Variants in EEF2KMT observed in about 807,000 individuals in gnomAD.
EEF2KMT encodes the protein eukaryotic elongation factor 2 lysine methyltransferase, also known as protein-lysine N-methyltransferase EEF2KMT.
A neutral mutation model predicts 35.1 loss-of-function variants in EEF2KMT; 30 were observed. That is an observed-to-expected ratio of 0.85 (90% CI 0.64 to 1.16). The LOEUF is 1.16. Among genes scored for constraint, EEF2KMT ranks in the 50% most tolerant of loss-of-function variants. EEF2KMT has a pLI of 0.00. For missense variants in EEF2KMT, 499 were observed against 438.2 expected (o/e 1.14, Z -1.24); for synonymous variants, 190 against 187.7 (o/e 1.01, Z -0.10).
intron 7 of EEF2KMT, among the ~76,000 whole-genome samples, chr16:5,087,541 G>A (rs149057069): frequency 3.2e-4 from 49 of 152,248 alleles, no homozygotes; most frequent in Non-Finnish European, 5.1e-4. Context: ...GCTCACGCCC[G>A]TATTCCTAAC....
chr16:5,085,113 GC>G lies in EEF2KMT; in HGVS notation c.*518del, dbSNP rs1460740194. ...CTTCCTCTCTTCTTCTGTTCTTCAC[GC>G]CCCATGCCCCTGCTAGCGTATTACT... On this transcript the variant is annotated 3_prime_UTR_variant, in exon 8 of 8. Transcript: ENST00000427587. 2 of 707,350 alleles carry G rather than the reference GC, an allele frequency of 2.8e-6. No individual in the cohort carries two copies. Among genetic ancestry groups the G allele is most frequent in the Non-Finnish European group, 2.3e-6 (1 of 431,634 alleles). 43.8% of individuals were successfully genotyped at this position (707,350 alleles called of 1,614,324 possible).
At chr16:5,088,485 G>A (rs1957262929) in intron 7 of EEF2KMT, among the ~76,000 whole-genome samples, 1 of 152,166 alleles carries the variant, frequency 6.6e-6, no homozygotes. Flanking sequence ...GGTGTAGTGT[G>A]GAGGCGTGAG....
At chr16:5,089,054 C>T in intron 7 of EEF2KMT, 53 bp downstream of exon 7, 1 of 1,609,636 alleles carries the variant, frequency 6.2e-7, no homozygotes, top group Non-Finnish European at 8.5e-7. Context: ...CCACTGGCGT[C>T]CTGCAGGGAC....
chr16:5,091,463 C>T (rs1024928708), intron 4 of EEF2KMT, among the ~76,000 whole-genome samples: 2 of 152,184 alleles, frequency 1.3e-5, no homozygotes, highest in African/African-American at 4.8e-5. Flanking sequence ...GATGCAACCA[C>T]TTCGGCCTCC....
intron 1 of EEF2KMT, chr16:5,097,394 A>C (rs1403689999): frequency 6.8e-7 from 1 of 1,470,922 alleles, no homozygotes; most frequent in Non-Finnish European, 9.0e-7. Context: ...TGTACCCCAC[A>C]CCGAGCGCGC....
At chr16:5,089,800 C>T (rs1414756329) in intron 6 of EEF2KMT, among the ~76,000 whole-genome samples, 1 of 152,214 alleles carries the variant, frequency 6.6e-6, no homozygotes, top group South Asian at 2.1e-4. Flanking sequence ...GGTTGTTTTC[C>T]TCCTGTGGTC....
Position 5,090,469 on chromosome 16 carries a change from C to T in EEF2KMT, c.439G>A (p.Glu147Lys), listed in dbSNP as rs773268129. 5.6e-6 allele frequency: 9 copies of T among 1,612,034 alleles called. No homozygotes were observed. Among genetic ancestry groups the T allele is most frequent in the Non-Finnish European group, 6.8e-6 (8 of 1,179,864 alleles). Residue 147 changes from glutamate to lysine, a missense_variant, in exon 5 of 8, where the codon GAA becomes AAA. Physicochemically the swap from Glu to Lys is moderately conservative, Grantham distance 56. Coordinates refer to ENST00000427587, the MANE Select transcript of EEF2KMT (RefSeq NM_201400.4). This position sits in a 1 kb window ranked among gnomAD's most constrained non-coding sequence, Gnocchi z 4.1. ...ACTGCCGGGTTCTCGATGGCCCATT[C>T]TGCAAGGTAGAGGGCGGCGTCCCAT... ...VTWDAALYLAEWAIENPAVFT... is the reference protein window; with the variant it reads ...VTWDAALYLAKWAIENPAVFT...
At chr16:5,095,288 CTG>C (rs1353083004) in intron 2 of EEF2KMT, 162 bp downstream of exon 2, 1 of 949,142 alleles carries the variant, frequency 1.1e-6, no homozygotes, top group East Asian at 2.6e-5. Flanking sequence ...AGCGCTGGAG[CTG>C]TCAGAGGTGC....
chr16:5,091,224 G>A (rs540753181), intron 4 of EEF2KMT, among the ~76,000 whole-genome samples: 1 of 152,290 alleles, frequency 6.6e-6, no homozygotes, highest in African/African-American at 2.4e-5. Flanking sequence ...TGGGATTACA[G>A]GTGCCCACTA....
At position 5,091,911 on chromosome 16, in the gene EEF2KMT, G is replaced by C. The variant is rs761498342; in HGVS notation, c.241-16C>G. On this transcript the variant is annotated splice_polypyrimidine_tract_variant and intron_variant, in intron 3 of 7. Coordinates refer to ENST00000427587, the MANE Select transcript of EEF2KMT (RefSeq NM_201400.4). ...CAGCCTCGTGCTGGGGGCAGACAGA[G>C]TGAGAGCTTGTTTGCTTTCGTTCTA... is the stretch of plus-strand genomic sequence containing the variant. The C allele has an allele frequency of 6.2e-6, 10 of 1,611,358 alleles. No homozygotes were observed. The African/African-American group carries it at 6.7e-5, about 11-fold the overall frequency.
intron 7 of EEF2KMT, 141 bp from the exon 8 acceptor site, chr16:5,085,873 AC>A (rs1193984157): frequency 1.4e-6 from 1 of 713,550 alleles, no homozygotes; most frequent in Non-Finnish European, 2.6e-6. Context: ...TCCCAGGCCC[AC>A]CCAGGTGCCT....
In EEF2KMT at chr16:5,091,903, C is replaced by T. The variant is rs1278371623; in HGVS notation, c.241-8G>A. Reference sequence around the variant, plus strand: ...TGTGTGGACAGCCTCGTGCTGGGGGCAGACAGAGTGAGAGCTTGTTTGCTT... The same window carrying T: ...TGTGTGGACAGCCTCGTGCTGGGGGTAGACAGAGTGAGAGCTTGTTTGCTT... On this transcript the variant is annotated splice_region_variant and splice_polypyrimidine_tract_variant and intron_variant, in intron 3 of 7. Coordinates refer to ENST00000427587, the MANE Select transcript of EEF2KMT (RefSeq NM_201400.4). 1 of 1,611,592 alleles carries T rather than the reference C, an allele frequency of 6.2e-7. No homozygotes were observed. The highest frequency in any genetic ancestry group is 2.2e-5 in the East Asian group (1 of 44,872).
chr16:5,087,921 TC>T (rs1957240900), intron 7 of EEF2KMT, among the ~76,000 whole-genome samples: 1 of 32,998 alleles, frequency 3.0e-5, no homozygotes. Flanking sequence ...AAGAAAGACT[TC>T]CTTTTTTTTT....
At chr16:5,096,339 G>C (rs62038083) in intron 1 of EEF2KMT, among the ~76,000 whole-genome samples, 12,113 of 152,208 alleles carry the variant, frequency 0.08, 704 homozygotes, top group Middle Eastern at 0.13. Context: ...GTCTTTTCTT[G>C]TTTATTTATT....
chr16:5,089,555 C>A, intron 6 of EEF2KMT: 1 of 498,182 alleles, frequency 2.0e-6, no homozygotes, highest in African/African-American at 1.9e-5. Context: ...CAAAGCCTGA[C>A]CCTGCCATGA....
In EEF2KMT at chr16:5,090,229, C is replaced by G. The variant is rs539354038; in HGVS notation, c.597G>C (p.Gly199=). Residue 199 remains glycine (G), a synonymous_variant, in exon 6 of 8, where the codon GGG becomes GGC. Coordinates refer to ENST00000427587, the MANE Select transcript of EEF2KMT (RefSeq NM_201400.4). The surrounding 1 kb of genome is among the most constrained non-coding windows in gnomAD (Gnocchi z 4.1). The part of the protein sequence containing the change: ...CHSRVLEQLR[G]NVLLNGLSLE... ...ATGAGAGGCCATTGAGAAGGACATT[C>G]CCTCGGAGCTGCTCAAGGACCCGGC... The G allele has an allele frequency of 1.9e-6, 3 of 1,612,038 alleles. No homozygotes were observed. In the East Asian group the frequency reaches 6.7e-5, roughly 36 times the overall value.
rs192832945 is a variant in EEF2KMT, at chr16:5,091,603, C to T, written c.342+191G>A. On this transcript the variant is annotated intron_variant, in intron 4 of 7. Coordinates refer to ENST00000427587, the MANE Select transcript of EEF2KMT (RefSeq NM_201400.4). ...ATTGGATAAGTGCCCAACAACTCCA[C>T]GAGACATGCTGTTGTTGTTGAAGTG... 5.7e-3 allele frequency among the ~76,000 whole-genome samples: 864 copies of T among 152,326 alleles called. 5 individuals are homozygous for T. Among genetic ancestry groups the T allele is most frequent in the Admixed American group, 0.01 (153 of 15,294 alleles).
Position 5,091,753 on chromosome 16 carries a change from G to A in EEF2KMT, c.342+41C>T, listed in dbSNP as rs775804168. ...TTTTCACTTTGTCTGTGCAGGAAGGGTATCTGGGCTGTGAGGGGGAGGAGG... is the reference window on the plus strand; with the variant it reads ...TTTTCACTTTGTCTGTGCAGGAAGGATATCTGGGCTGTGAGGGGGAGGAGG... On this transcript the variant is annotated intron_variant, in intron 4 of 7. Transcript: ENST00000427587. The A allele has an allele frequency of 3.2e-5, 52 of 1,609,920 alleles. 1 individual carries two copies. Among genetic ancestry groups the A allele is most frequent in the Non-Finnish European group, 4.0e-5 (47 of 1,178,836 alleles).
Position 5,090,389 on chromosome 16 carries a change from G to C in EEF2KMT, c.477-40C>G. On this transcript the variant is annotated intron_variant, in intron 5 of 7. Transcript: ENST00000427587. This position sits in a 1 kb window ranked among gnomAD's most constrained non-coding sequence, Gnocchi z 4.1. ...GGGGACCGTGTCTGCGACTGCACCA[G>C]GGTAAGCCTGCCTCGGTGCCCTGCC... The C allele has an allele frequency of 6.8e-6, 11 of 1,612,014 alleles. No homozygotes were observed. Among genetic ancestry groups the C allele is most frequent in the Non-Finnish European group, 9.3e-6 (11 of 1,179,848 alleles).
Sources: allele counts gnomAD v4.1 joint callset (sites outside exome capture counted in the v4.1 genomes callset), GRCh38; gene constraint gnomAD v4.1.1; non-coding constraint Gnocchi (gnomAD v3.1); transcripts MANE v1.5; gene names NCBI Gene and HGNC (gene_info 2026-07-23, HGNC 2026-07-21).